MREG: variants seen among roughly 807,000 people sequenced by gnomAD.
MREG encodes the protein dilute suppressor protein homolog.
Under a neutral mutation model 28.5 loss-of-function variants are expected in MREG, and 31 were observed. The ratio of observed to expected loss-of-function variants is 1.09; its 90% CI spans 0.82 to 1.47. MREG has a LOEUF of 1.47. Among genes scored for constraint, MREG ranks in the 40% most tolerant of loss-of-function variants. The pLI is 0.00. For missense variants in MREG, 256 were observed against 257.4 expected, an observed-to-expected ratio of 0.99 and a Z score of 0.04; for synonymous variants, 106 against 95.2, an observed-to-expected ratio of 1.11 and a Z score of -0.66.
chr2:215,949,033 T>TCA (rs1692393380), intron 2 of MREG, among the ~76,000 whole-genome samples: 2 of 136,890 alleles, frequency 1.5e-5, no homozygotes, highest in Non-Finnish European at 1.5e-5. Flanking sequence ...CAAAACCCTG[T>TCA]CTCTACTACT....
chr2:215,972,617 GAAAAA>G (rs34332971), intron 2 of MREG, among the ~76,000 whole-genome samples: 2 of 103,664 alleles, frequency 1.9e-5, no homozygotes. Context: ...CTCTCTCCCA[GAAAAA>G]AAAAAAAAAA....
intron 1 of MREG, among the ~76,000 whole-genome samples, chr2:216,028,409 T>C (rs993080797): frequency 1.3e-5 from 2 of 150,982 alleles, no homozygotes; most frequent in African/African-American, 2.4e-5. Flanking sequence ...GCACCTGTAG[T>C]CCCAGCTACT....
chr2:216,006,300 C>CT (rs1017711196), intron 1 of MREG, among the ~76,000 whole-genome samples: 1 of 152,202 alleles, frequency 6.6e-6, no homozygotes, highest in Non-Finnish European at 1.5e-5. Context: ...CAGCTGACTT[C>CT]TTATAAAGAG....
intron 2 of MREG, among the ~76,000 whole-genome samples, chr2:215,994,186 C>T (rs550488060): frequency 6.6e-6 from 1 of 151,856 alleles, no homozygotes; most frequent in South Asian, 2.1e-4. Context: ...TGATAGACTG[C>T]ATAAAGAAAA....
intron 1 of MREG, among the ~76,000 whole-genome samples, chr2:216,001,404 C>T (rs190358607): frequency 1.3e-5 from 2 of 152,290 alleles, no homozygotes; most frequent in Non-Finnish European, 2.9e-5. Context: ...GAAAGAGAAC[C>T]AACCGCTGTG....
chr2:216,017,336 C>A (rs1574658880), upstream of MREG, among the ~76,000 whole-genome samples: 1 of 152,124 alleles, frequency 6.6e-6, no homozygotes, highest in Non-Finnish European at 1.5e-5. Flanking sequence ...ATCAGTTTTT[C>A]TTAGCATTCC....
intron 2 of MREG, among the ~76,000 whole-genome samples, chr2:215,995,720 C>T (rs1234570527): frequency 6.6e-6 from 1 of 152,152 alleles, no homozygotes; most frequent in Non-Finnish European, 1.5e-5. Flanking sequence ...GTTTTCTTAA[C>T]TTACAGAGTT....
At chr2:215,987,264 T>TC (rs1280733178) in intron 2 of MREG, among the ~76,000 whole-genome samples, 1 of 152,002 alleles carries the variant, frequency 6.6e-6, no homozygotes, top group African/African-American at 2.4e-5. Context: ...TTTTTTTTTT[T>TC]AGATGAAGTC....
Position 216,013,432 on chromosome 2 carries a change from C to A in MREG, c.-105G>T, listed in dbSNP as rs1694372861. The A allele has an allele frequency of 2.8e-6, 2 of 715,388 alleles. No individual in the cohort carries two copies. The highest frequency in any genetic ancestry group is 1.9e-6 in the Non-Finnish European group (1 of 530,358). The allele number at this position is 715,388 out of a possible 1,614,324, so 44.3% of individuals were successfully genotyped here. A position where few individuals can be genotyped will look rare whatever the true frequency, so the allele number is the denominator to read the frequency against. ...CCGCGCCAGCGTCCAGGTGCGGGGA[C>A]AGCGGCAGCCCGGGCGTCGCGGGCT... is the stretch of plus-strand genomic sequence containing the variant. On this transcript the variant is annotated 5_prime_UTR_variant, in exon 1 of 5. Transcript: ENST00000263268.
intron 2 of MREG, among the ~76,000 whole-genome samples, chr2:215,959,248 A>C (rs1022799114): frequency 6.6e-6 from 1 of 152,080 alleles, no homozygotes; most frequent in Non-Finnish European, 1.5e-5. Context: ...TCGTCACCTC[A>C]AGCCTTGGCT....
chr2:215,996,578 T>C, intron 1 of MREG, 113 bp from the exon 2 acceptor site: 1 of 745,882 alleles, frequency 1.3e-6, no homozygotes, highest in Non-Finnish European at 2.1e-6. Context: ...AATATATAAA[T>C]ATATTGTCAA....
At position 215,980,966 on chromosome 2, in the gene MREG, T is replaced by G. The variant is rs1057470507; in HGVS notation, c.255+15340A>C. Among the ~76,000 whole-genome samples, 5 of 151,856 alleles carry G rather than the reference T, an allele frequency of 3.3e-5. No homozygotes were observed. In the East Asian group the frequency reaches 9.7e-4, roughly 29 times the overall value. On this transcript the variant is annotated intron_variant, in intron 2 of 4. Coordinates refer to ENST00000263268, the MANE Select transcript of MREG (RefSeq NM_018000.3). ...AGAGAAGGGAAATATTAATAACAAG[T>G]GTTGGCAAAGATGTAGAGGAACTGG...
intron 1 of MREG, among the ~76,000 whole-genome samples, chr2:215,997,210 C>T (rs1693897541): frequency 6.6e-6 from 1 of 152,184 alleles, no homozygotes; most frequent in Non-Finnish European, 1.5e-5. Flanking sequence ...TATCAAATTC[C>T]TTATGCCAGG....
chr2:215,950,402 T>C (rs1692452464), intron 2 of MREG, among the ~76,000 whole-genome samples: 1 of 152,200 alleles, frequency 6.6e-6, no homozygotes, highest in African/African-American at 2.4e-5. Flanking sequence ...CAGTGTCTGT[T>C]ACTCTGATAA....
intron 2 of MREG, among the ~76,000 whole-genome samples, chr2:215,947,987 C>T (rs535224510): frequency 6.6e-6 from 1 of 152,114 alleles, no homozygotes; most frequent in African/African-American, 2.4e-5. Context: ...ATAGAGTATA[C>T]CTTTTACTGT....
chr2:215,984,791 C>G (rs1693523756), intron 2 of MREG, among the ~76,000 whole-genome samples: 1 of 152,214 alleles, frequency 6.6e-6, no homozygotes, highest in Non-Finnish European at 1.5e-5. Context: ...CCTGGAAACA[C>G]TTTCTGAAAC....
chr2:215,982,273 A>G (rs988523724), intron 2 of MREG, among the ~76,000 whole-genome samples: 1 of 151,608 alleles, frequency 6.6e-6, no homozygotes, highest in Non-Finnish European at 1.5e-5. Flanking sequence ...GTGAGCCAAG[A>G]TCACGCCATT....
Position 215,944,744 on chromosome 2 carries a change from G to A in MREG, c.*119C>T, listed in dbSNP as rs1036536966. On this transcript the variant is annotated 3_prime_UTR_variant, in exon 5 of 5. Transcript: ENST00000263268. ...AGACTTTACATTTATGTAGAATTCAGTATCATTTTTCACTAAGCAAACTCT... is the reference window on the plus strand; with the variant it reads ...AGACTTTACATTTATGTAGAATTCAATATCATTTTTCACTAAGCAAACTCT... 3 of 1,038,886 alleles carry A rather than the reference G, an allele frequency of 2.9e-6. No individual in the cohort carries two copies. The highest frequency in any genetic ancestry group is 1.6e-5 in the African/African-American group (1 of 63,438). 64.4% of individuals were successfully genotyped at this position (1,038,886 alleles called of 1,614,324 possible).
chr2:215,995,536 A>G (rs1392828634), intron 2 of MREG, among the ~76,000 whole-genome samples: 1 of 142,204 alleles, frequency 7.0e-6, no homozygotes, highest in African/African-American at 2.9e-5. Context: ...TACACACTAA[A>G]CCCAACTATA....
Sources: gnomAD v4.1 joint callset for allele counts (sites outside exome capture counted in the v4.1 genomes callset) on GRCh38, gnomAD v4.1.1 for gene constraint, MANE v1.5 for transcripts, NCBI Gene and HGNC (gene_info 2026-07-23, HGNC 2026-07-21) for gene names.